Variants in DLG2 observed in about 807,000 individuals in gnomAD.
The protein encoded by DLG2 is disks large homolog 2.
A neutral mutation model predicts 132.5 loss-of-function variants in DLG2; 45 were observed. The ratio of observed to expected loss-of-function variants is 0.34; its 90% CI spans 0.27 to 0.44. The LOEUF (loss-of-function observed/expected upper bound fraction) is 0.44, where lower values mean the gene tolerates loss of function less well. Among genes scored for constraint, DLG2 ranks in the 20% least tolerant of loss-of-function variants. The probability of loss-of-function intolerance (pLI) is 1.00; values close to 1 mark genes in which losing one functional copy is unlikely to be tolerated. For synonymous variants in DLG2, 424 were observed against 419.6 expected, an observed-to-expected ratio of 1.01 and a Z score of -0.13; for missense variants, 1,045 against 1,196.9, an observed-to-expected ratio of 0.87 and a Z score of 1.87.
rs535584173 is a variant in DLG2 at position 84,586,771 on chromosome 11, C to A, written c.358-52040G>T. 2.6e-5 allele frequency among the ~76,000 whole-genome samples: 4 copies of A among 152,124 alleles called. No homozygotes were observed. In the South Asian group the frequency reaches 8.3e-4, roughly 31 times the overall value. ...TTGACATTTATACACTATTTCTAAT[C>A]TTTTAATGGTTACTTCTTAAATTTT... On this transcript the variant is annotated intron_variant, in intron 6 of 27. Coordinates refer to ENST00000376104, the MANE Select transcript of DLG2 (RefSeq NM_001142699.3).
At chr11:84,891,811 C>G (rs1041906984) in intron 6 of DLG2, among the ~76,000 whole-genome samples, 1 of 152,144 alleles carries the variant, frequency 6.6e-6, no homozygotes. Context: ...GATATGTGAA[C>G]AGCCCTGTGA....
chr11:83,843,913 T>C (rs1197796075), intron 16 of DLG2, among the ~76,000 whole-genome samples: 1 of 152,020 alleles, frequency 6.6e-6, no homozygotes, highest in East Asian at 1.9e-4. Context: ...CTGAATAAAA[T>C]AGTTATAAAA....
At chr11:85,406,425 T>C (rs868031541) in intron 3 of DLG2, among the ~76,000 whole-genome samples, 1 of 151,670 alleles carries the variant, frequency 6.6e-6, no homozygotes, top group South Asian at 2.1e-4. Flanking sequence ...CAGAAAAAGT[T>C]AGAATACTGA....
rs117172842 is a variant in DLG2 at position 84,668,583 on chromosome 11, T to C, written c.358-133852A>G. ...GTTGATTCCTTCAAGCTACATCTAT[T>C]GAACGCTTGGATGGCATAAAAATCA... On this transcript the variant is annotated intron_variant, in intron 6 of 27. Coordinates refer to ENST00000376104, the MANE Select transcript of DLG2 (RefSeq NM_001142699.3). 9.8e-3 allele frequency among the ~76,000 whole-genome samples: 1,488 copies of C among 152,290 alleles called. 18 individuals are homozygous for C. The highest frequency in any genetic ancestry group is 0.015 in the Non-Finnish European group (1,040 of 68,014).
At chr11:85,157,494 G>A (rs923743030) in intron 4 of DLG2, among the ~76,000 whole-genome samples, 2 of 152,126 alleles carry the variant, frequency 1.3e-5, no homozygotes, top group African/African-American at 2.4e-5. Context: ...TTCGTGAGAG[G>A]CAAGGAGTTT....
intron 20 of DLG2, among the ~76,000 whole-genome samples, chr11:83,533,258 G>A (rs1435578147): frequency 6.6e-6 from 1 of 151,816 alleles, no homozygotes; most frequent in African/African-American, 2.4e-5. Flanking sequence ...ATATAATCTT[G>A]AGCTTTCCTT....
chr11:84,959,612 T>A (rs546639297), intron 6 of DLG2, among the ~76,000 whole-genome samples: 1 of 152,178 alleles, frequency 6.6e-6, no homozygotes, highest in Non-Finnish European at 1.5e-5. Flanking sequence ...CTTAAAAAAA[T>A]AAAATAATTG....
intron 16 of DLG2, among the ~76,000 whole-genome samples, chr11:83,861,842 T>C (rs1246525319): frequency 6.6e-6 from 1 of 152,106 alleles, no homozygotes; most frequent in Non-Finnish European, 1.5e-5. Context: ...AAGTCAATAA[T>C]AATTGTACAT....
In DLG2 at chr11:85,170,463, G is replaced by A. The variant is rs762416180; in HGVS notation, c.187-15812C>T. On this transcript the variant is annotated intron_variant, in intron 4 of 27. Coordinates refer to ENST00000376104, the MANE Select transcript of DLG2 (RefSeq NM_001142699.3). The stretch of plus-strand genomic sequence containing the variant: ...AGGGGAGAGTAATTCTGCTTTCTAT[G>A]ACTCAGCTTGGGCAGGAAAAATAGT... Among the ~76,000 whole-genome samples the A allele has an allele frequency of 4.7e-4, 72 of 152,250 alleles. 1 individual carries two copies. Among genetic ancestry groups the A allele is most frequent in the Non-Finnish European group, 9.7e-4 (66 of 68,028 alleles).
chr11:84,866,264 G>A (rs1379948315), intron 6 of DLG2, among the ~76,000 whole-genome samples: 3 of 152,094 alleles, frequency 2.0e-5, no homozygotes, highest in Non-Finnish European at 4.4e-5. Context: ...TCAAGTATGT[G>A]TCTGTCCCTT....
chr11:85,089,864 C>T (rs2068493745), intron 6 of DLG2, among the ~76,000 whole-genome samples: 1 of 151,988 alleles, frequency 6.6e-6, no homozygotes, highest in Non-Finnish European at 1.5e-5. Context: ...CAAATCAAAC[C>T]CACAATGAGA....
intron 3 of DLG2, among the ~76,000 whole-genome samples, chr11:85,571,102 G>C (rs1183151433): frequency 6.6e-6 from 1 of 151,874 alleles, no homozygotes; most frequent in Non-Finnish European, 1.5e-5. Flanking sequence ...CCAATCTCTA[G>C]GCTACCTAAG....
chr11:83,844,787 G>C (rs764259863), intron 16 of DLG2, among the ~76,000 whole-genome samples: 2 of 152,082 alleles, frequency 1.3e-5, no homozygotes, highest in African/African-American at 4.8e-5. Flanking sequence ...CCTGGTGGTA[G>C]GGGTAACGTA....
At chr11:85,226,935 T>C (rs1040728306) in intron 4 of DLG2, among the ~76,000 whole-genome samples, 2 of 152,146 alleles carry the variant, frequency 1.3e-5, no homozygotes, top group African/African-American at 4.8e-5. Flanking sequence ...ATATCAGAGT[T>C]AAAGTCTTTG....
intron 22 of DLG2, among the ~76,000 whole-genome samples, chr11:83,475,538 CAGTG>C (rs1190179768): frequency 7.5e-6 from 1 of 133,436 alleles, no homozygotes; most frequent in Non-Finnish European, 1.5e-5. Context: ...TGTCTTGAAA[CAGTG>C]AGAGAAGCAG....
chr11:85,313,711 G>A (rs1351562310), intron 3 of DLG2, among the ~76,000 whole-genome samples: 1 of 151,926 alleles, frequency 6.6e-6, no homozygotes. Flanking sequence ...CAGCATCATT[G>A]AAGGTAAAAT....
chr11:85,460,015 C>G (rs555826521), intron 3 of DLG2, among the ~76,000 whole-genome samples: 1 of 152,154 alleles, frequency 6.6e-6, no homozygotes, highest in East Asian at 1.9e-4. Context: ...GGCTGACAGA[C>G]GACAAAGGTA....
At chr11:84,297,130 G>GAAAAAAAA (rs1371157932) in intron 7 of DLG2, among the ~76,000 whole-genome samples, 1 of 146,578 alleles carries the variant, frequency 6.8e-6, no homozygotes, top group Non-Finnish European at 1.5e-5. Flanking sequence ...CAAAGAATTT[G>GAAAAAAAA]AAAAAAAAAA....
rs141727112 is a variant in DLG2 at position 84,296,399 on chromosome 11, T to C, written c.520-45108A>G. On this transcript the variant is annotated intron_variant, in intron 7 of 27. Transcript: ENST00000376104. Reference sequence around the variant, plus strand: ...TTCTCCTTCACGTTTGGAGGAGTTGTTAATGAACCCAATGGATGTGTTCCA... The same window carrying C: ...TTCTCCTTCACGTTTGGAGGAGTTGCTAATGAACCCAATGGATGTGTTCCA... 2.0e-3 allele frequency among the ~76,000 whole-genome samples: 311 copies of C among 152,298 alleles called. 2 individuals carry two copies. Among genetic ancestry groups the C allele is most frequent in the African/African-American group, 7.0e-3 (291 of 41,572 alleles).
Sources: allele counts gnomAD v4.1 joint callset (sites outside exome capture counted in the v4.1 genomes callset), GRCh38; gene constraint gnomAD v4.1.1; transcripts MANE v1.5; gene names NCBI Gene and HGNC (gene_info 2026-07-23, HGNC 2026-07-21).